SH3RF3: variants seen among roughly 807,000 people sequenced by gnomAD.
SH3RF3 encodes the protein SH3 domain containing ring finger 3.
SH3RF3 carries 29 observed loss-of-function variants against 66.3 expected under a neutral mutation model. The ratio of observed to expected loss-of-function variants is 0.44; its 90% CI spans 0.33 to 0.60. The LOEUF (loss-of-function observed/expected upper bound fraction) is 0.60, where lower values mean the gene tolerates loss of function less well. Ranked by LOEUF, SH3RF3 falls within the 20% of genes least tolerant of loss-of-function variation. SH3RF3 has a pLI of 0.04. For synonymous variants in SH3RF3, 583 were observed against 532.0 expected (o/e 1.10, Z -1.32); for missense variants, 1,194 against 1,190.9 (o/e 1.00, Z -0.04).
chr2:109,220,319 C>T (rs549792791), intron 1 of SH3RF3, among the ~76,000 whole-genome samples: 1 of 152,226 alleles, frequency 6.6e-6, no homozygotes, highest in African/African-American at 2.4e-5. Flanking sequence ...AATTATAAAA[C>T]TGTTATAAGA....
At chr2:109,155,218 GCAC>G (rs1428784561) in intron 1 of SH3RF3, among the ~76,000 whole-genome samples, 2 of 152,204 alleles carry the variant, frequency 1.3e-5, no homozygotes, top group Non-Finnish European at 2.9e-5. Flanking sequence ...TCATCCATGG[GCAC>G]CTTGCATCTA....
At chr2:109,329,480 G>T (rs1047145025) in intron 1 of SH3RF3, among the ~76,000 whole-genome samples, 5 of 152,198 alleles carry the variant, frequency 3.3e-5, no homozygotes, top group Admixed American at 6.5e-5. Flanking sequence ...GGCTGGAGCG[G>T]TGTCTTTCCC....
intron 1 of SH3RF3, among the ~76,000 whole-genome samples, chr2:109,199,607 T>TCAACCCGACTGCAGG (rs1558953948): frequency 7.2e-3 from 2 of 276 alleles, no homozygotes; most frequent in African/African-American, 0.012. Context: ...TGGAATGGAA[T>TCAACCCGACTGCAGG]GGAATGGAAT....
At chr2:109,484,076 T>C (rs1405824843) in intron 8 of SH3RF3, among the ~76,000 whole-genome samples, 1 of 150,610 alleles carries the variant, frequency 6.6e-6, no homozygotes, top group East Asian at 1.9e-4. Flanking sequence ...TCTTTTTTTT[T>C]TTTTTTTTTG....
chr2:109,403,899 G>A (rs1676380645), intron 4 of SH3RF3, among the ~76,000 whole-genome samples: 1 of 152,222 alleles, frequency 6.6e-6, no homozygotes, highest in South Asian at 2.1e-4. Flanking sequence ...CATGGCCACT[G>A]TGAGGGTGGA....
At chr2:109,489,037 TC>T (rs1178084141) in intron 8 of SH3RF3, among the ~76,000 whole-genome samples, 7 of 152,094 alleles carry the variant, frequency 4.6e-5, no homozygotes, top group Non-Finnish European at 1.0e-4. Context: ...CCAGGATGAG[TC>T]CAGCCTTGGA....
chr2:109,313,307 G>C (rs370818255), intron 1 of SH3RF3, among the ~76,000 whole-genome samples: 17 of 152,334 alleles, frequency 1.1e-4, no homozygotes, highest in African/African-American at 3.4e-4. Context: ...CATCCCAAGG[G>C]GGGAGGCTGG....
chr2:109,485,840 T>C (rs1430645922), intron 8 of SH3RF3, among the ~76,000 whole-genome samples: 3 of 152,248 alleles, frequency 2.0e-5, no homozygotes, highest in Non-Finnish European at 2.9e-5. Flanking sequence ...ACCTAGATCT[T>C]GAGAGCCAGG....
intron 1 of SH3RF3, among the ~76,000 whole-genome samples, chr2:109,201,845 C>T (rs904374263): frequency 3.9e-5 from 6 of 152,240 alleles, no homozygotes; most frequent in Non-Finnish European, 7.3e-5. Context: ...ATAGTGCCCT[C>T]CCTCCAGGGA....
chr2:109,345,479 T>C (rs970380043), intron 1 of SH3RF3, among the ~76,000 whole-genome samples: 5 of 152,166 alleles, frequency 3.3e-5, no homozygotes, highest in Admixed American at 6.5e-5. Context: ...GTAGCTCTTA[T>C]AACACGGCTT....
chr2:109,459,652 C>T (rs1048729900), intron 8 of SH3RF3, among the ~76,000 whole-genome samples: 1 of 152,164 alleles, frequency 6.6e-6, no homozygotes, highest in South Asian at 2.1e-4. Flanking sequence ...ACAGTAGTTC[C>T]CGTTCCTGCC....
chr2:109,423,207 T>C (rs1390019962), intron 5 of SH3RF3, among the ~76,000 whole-genome samples: 2 of 152,030 alleles, frequency 1.3e-5, no homozygotes, highest in African/African-American at 2.4e-5. Flanking sequence ...GGGGTTGGCC[T>C]GCAACAGGGA....
At chr2:109,196,636 C>A (rs149048328) in intron 1 of SH3RF3, among the ~76,000 whole-genome samples, 1 of 152,138 alleles carries the variant, frequency 6.6e-6, no homozygotes, top group Non-Finnish European at 1.5e-5. Flanking sequence ...GCTGTGGTTG[C>A]GGCTGTACCT....
chr2:109,485,843 G>A (rs1678955367), intron 8 of SH3RF3, among the ~76,000 whole-genome samples: 1 of 152,258 alleles, frequency 6.6e-6, no homozygotes, highest in Non-Finnish European at 1.5e-5. Flanking sequence ...TAGATCTTGA[G>A]AGCCAGGGCT....
In SH3RF3 at chr2:109,129,941, G is replaced by T; in HGVS notation, c.401G>T (p.Ser134Ile). 6.8e-7 allele frequency: 1 copy of T among 1,472,712 alleles called. No individual in the cohort carries two copies. 91.2% of individuals were successfully genotyped at this position (1,472,712 alleles called of 1,614,324 possible). ...CGCGCGGGCACCAGCCCCGGCGGCA[G>T]CCCGCCCGCGCGTCCCATCCCAGGC... Reference protein sequence around the residue: ...RPRAGTSPGGSPPARPIPGQS... With the variant: ...RPRAGTSPGGIPPARPIPGQS... Residue 134 changes from serine (S) to isoleucine (I), a missense_variant, in exon 1 of 10, where the codon AGC becomes ATC. Transcript: ENST00000309415.
At chr2:109,267,093 C>G (rs1680514216) in intron 1 of SH3RF3, among the ~76,000 whole-genome samples, 1 of 152,148 alleles carries the variant, frequency 6.6e-6, no homozygotes. Context: ...CTGAATGCCT[C>G]TGGTCTCTGA....
intron 1 of SH3RF3, among the ~76,000 whole-genome samples, chr2:109,138,309 C>T (rs1574469227): frequency 6.6e-6 from 1 of 152,198 alleles, no homozygotes; most frequent in Non-Finnish European, 1.5e-5. Flanking sequence ...TTACAGGTGT[C>T]AGCCACTTCG....
intron 1 of SH3RF3, 29 bp downstream of exon 1, chr2:109,130,142 A>G (rs1574465067): frequency 7.8e-7 from 1 of 1,281,374 alleles, no homozygotes; most frequent in Non-Finnish European, 9.8e-7. Flanking sequence ...GGAAGTGGCC[A>G]CGGCACGTGG....
At chr2:109,151,266 C>G (rs1413901005) in intron 1 of SH3RF3, among the ~76,000 whole-genome samples, 1 of 152,126 alleles carries the variant, frequency 6.6e-6, no homozygotes, top group Non-Finnish European at 1.5e-5. Flanking sequence ...TTGTGGGGCT[C>G]CATGTTTGTG....
Sources: allele counts gnomAD v4.1 joint callset (sites outside exome capture counted in the v4.1 genomes callset), GRCh38; gene constraint gnomAD v4.1.1; transcripts MANE v1.5; gene names NCBI Gene and HGNC (gene_info 2026-07-23, HGNC 2026-07-21).